NAV3: variants seen among roughly 807,000 people sequenced by gnomAD.
The protein encoded by NAV3 is pore membrane and/or filament interacting like protein 1.
NAV3 carries 87 observed loss-of-function variants against 244.7 expected under a neutral mutation model. That is an observed-to-expected ratio of 0.36 (90% CI 0.30 to 0.42). NAV3 has a LOEUF of 0.42. Ranked by LOEUF, NAV3 falls within the 20% of genes least tolerant of loss-of-function variation. The pLI is 1.00. For missense variants in NAV3, 2,663 were observed against 2,893.3 expected (o/e 0.92, Z 1.83); for synonymous variants, 1,126 against 1,042.2 (o/e 1.08, Z -1.55).
At chr12:78,167,426 A>G (rs1241649013) in intron 23 of NAV3, among the ~76,000 whole-genome samples, 1 of 151,644 alleles carries the variant, frequency 6.6e-6, no homozygotes, top group African/African-American at 2.4e-5. Context: ...ACTGTTCTCT[A>G]TCAGGAAAAT....
At chr12:78,044,741 T>C (rs1324136719) in intron 9 of NAV3, among the ~76,000 whole-genome samples, 1 of 152,182 alleles carries the variant, frequency 6.6e-6, no homozygotes, top group Admixed American at 6.5e-5. Flanking sequence ...TGTCTGTTAT[T>C]GGTGTATAGG....
At chr12:77,794,914 C>T (rs1871339436) in intron 2 of NAV3, among the ~76,000 whole-genome samples, 1 of 152,268 alleles carries the variant, frequency 6.6e-6, no homozygotes, top group Admixed American at 6.5e-5. Flanking sequence ...CCATCTCTGT[C>T]CCTCTCCCTG....
Position 77,762,621 on chromosome 12 carries a change from T to C in NAV3, c.73-177698T>C, listed in dbSNP as rs145561683. On this transcript the variant is annotated intron_variant, in intron 2 of 8. Transcript: ENST00000550042. ...CGCCTCAAAAAAGAAAAAAAAAAAT[T>C]AAAAAGATGACTATTTCACTTTCAA... Among the ~76,000 whole-genome samples, 90 of 151,860 alleles carry C rather than the reference T, an allele frequency of 5.9e-4. 1 individual carries two copies. The highest frequency in any genetic ancestry group is 2.2e-3 in the African/African-American group (90 of 41,438).
chr12:77,926,351 G>A (rs551031010), intron 1 of NAV3, among the ~76,000 whole-genome samples: 1 of 152,174 alleles, frequency 6.6e-6, no homozygotes, highest in South Asian at 2.1e-4. Flanking sequence ...ATTGTTGTAG[G>A]CAATGCTTAC....
intron 2 of NAV3, among the ~76,000 whole-genome samples, chr12:77,814,874 C>A (rs1446702529): frequency 6.6e-6 from 1 of 152,050 alleles, no homozygotes; most frequent in Non-Finnish European, 1.5e-5. Flanking sequence ...AGTGTGCAGC[C>A]CCAGTTTCAG....
chr12:77,928,150 G>T (rs1888399351), intron 1 of NAV3, among the ~76,000 whole-genome samples: 1 of 150,364 alleles, frequency 6.7e-6, no homozygotes, highest in African/African-American at 2.5e-5. Context: ...TTGAATCAGG[G>T]AGGTAGAGGT....
At chr12:77,598,991 C>G (rs770945492) in intron 2 of NAV3, among the ~76,000 whole-genome samples, 1 of 151,868 alleles carries the variant, frequency 6.6e-6, no homozygotes, top group Non-Finnish European at 1.5e-5. Context: ...CATTGATTAG[C>G]AGCTCTCCAT....
At chr12:77,703,860 G>A (rs924096297) in intron 2 of NAV3, among the ~76,000 whole-genome samples, 3 of 152,200 alleles carry the variant, frequency 2.0e-5, no homozygotes, top group African/African-American at 7.2e-5. Context: ...ACTTAAGTTA[G>A]TTAAAATGCT....
At chr12:78,178,521 A>T (rs2139697066) in intron 28 of NAV3, among the ~76,000 whole-genome samples, 1 of 152,230 alleles carries the variant, frequency 6.6e-6, no homozygotes, top group East Asian at 1.9e-4. Flanking sequence ...CACAGAAACT[A>T]AAATTGTGGA....
At chr12:77,961,358 A>C (rs186066970) in intron 3 of NAV3, among the ~76,000 whole-genome samples, 1 of 142,056 alleles carries the variant, frequency 7.0e-6, no homozygotes, top group Non-Finnish European at 1.5e-5. Flanking sequence ...ATATACATAT[A>C]TGTAATATAA....
chr12:78,125,322 G>A (rs1003091554), intron 16 of NAV3, among the ~76,000 whole-genome samples: 3 of 151,962 alleles, frequency 2.0e-5, no homozygotes, highest in African/African-American at 7.3e-5. Flanking sequence ...TATTTAAATC[G>A]GTAGCTTTTC....
At chr12:77,750,563 G>GA (rs1156944115) in intron 2 of NAV3, among the ~76,000 whole-genome samples, 1 of 151,588 alleles carries the variant, frequency 6.6e-6, no homozygotes, top group East Asian at 1.9e-4. Context: ...AAAGTAAAAA[G>GA]AAAGAAATAT....
At position 77,819,208 on chromosome 12, in the gene NAV3, C is replaced by T. The variant is rs554096657; in HGVS notation, c.73-121111C>T. On this transcript the variant is annotated intron_variant, in intron 2 of 8. Transcript: ENST00000550042. ...TGCGTGCAATAGGTGTTACTGGGAA[C>T]GTTTTATGAGAACAATAGGAACTTT... is the stretch of plus-strand genomic sequence containing the variant. 1.2e-3 allele frequency among the ~76,000 whole-genome samples: 189 copies of T among 152,092 alleles called. 1 individual carries two copies. Among genetic ancestry groups the T allele is most frequent in the African/African-American group, 4.2e-3 (175 of 41,536 alleles).
At chr12:77,992,955 AGAAAG>A (rs1871697940) in intron 5 of NAV3, among the ~76,000 whole-genome samples, 1 of 152,240 alleles carries the variant, frequency 6.6e-6, no homozygotes, top group African/African-American at 2.4e-5. Context: ...CACCAGTGCA[AGAAAG>A]CAGAACAGAA....
chr12:77,976,579 T>C (rs1868407146), intron 5 of NAV3, among the ~76,000 whole-genome samples: 3 of 151,874 alleles, frequency 2.0e-5, no homozygotes, highest in Admixed American at 2.0e-4. Context: ...TGAACCATTC[T>C]AAATAGTTTA....
chr12:77,654,162 T>C (rs1262672749), intron 2 of NAV3, among the ~76,000 whole-genome samples: 1 of 152,174 alleles, frequency 6.6e-6, no homozygotes, highest in Admixed American at 6.5e-5. Flanking sequence ...ATTGCCTCAC[T>C]CGGGACGTGC....
chr12:78,006,067 T>C (rs1874157525), intron 7 of NAV3, among the ~76,000 whole-genome samples: 1 of 152,218 alleles, frequency 6.6e-6, no homozygotes, highest in South Asian at 2.1e-4. Flanking sequence ...TAGCATGGGC[T>C]ACAGTGGTGG....
At chr12:77,657,010 A>G (rs1284750281) in intron 2 of NAV3, among the ~76,000 whole-genome samples, 1 of 152,250 alleles carries the variant, frequency 6.6e-6, no homozygotes, top group African/African-American at 2.4e-5. Flanking sequence ...AAAGCAGGAA[A>G]GATCCAAAAT....
At chr12:78,122,553 T>A in intron 16 of NAV3, 125 bp downstream of exon 16, 1 of 1,192,380 alleles carries the variant, frequency 8.4e-7, no homozygotes, top group Non-Finnish European at 1.1e-6. Context: ...GTAAGACTGA[T>A]GAAACCGGGC....
Sources: gnomAD v4.1 joint callset for allele counts (sites outside exome capture counted in the v4.1 genomes callset) on GRCh38, gnomAD v4.1.1 for gene constraint, MANE v1.5 for transcripts, NCBI Gene and HGNC (gene_info 2026-07-23, HGNC 2026-07-21) for gene names.